CACNA2D3: variants seen among roughly 807,000 people sequenced by gnomAD.
CACNA2D3 encodes the protein calcium voltage-gated channel auxiliary subunit alpha2delta 3.
CACNA2D3 carries 60 observed loss-of-function variants against 160.6 expected under a neutral mutation model. The observed-to-expected ratio is 0.37, with a 90% CI of 0.30 to 0.46. The LOEUF is 0.46. Among genes scored for constraint, CACNA2D3 ranks in the 20% least tolerant of loss-of-function variants. CACNA2D3 has a pLI of 1.00. For synonymous variants in CACNA2D3, 558 were observed against 492.9 expected, an observed-to-expected ratio of 1.13 and a Z score of -1.75; for missense variants, 1,205 against 1,365.0, an observed-to-expected ratio of 0.88 and a Z score of 1.85.
chr3:55,024,175 T>G (rs1459398995), intron 35 of CACNA2D3, among the ~76,000 whole-genome samples: 4 of 147,084 alleles, frequency 2.7e-5, no homozygotes. Context: ...TCACTAATTA[T>G]TCACTCTTTG....
At chr3:54,420,702 C>T (rs1699824388) in intron 4 of CACNA2D3, among the ~76,000 whole-genome samples, 1 of 152,084 alleles carries the variant, frequency 6.6e-6, no homozygotes, top group Non-Finnish European at 1.5e-5. Flanking sequence ...TATTATTGCC[C>T]CTACTTCATA....
rs1220231460 is a variant in CACNA2D3, at chr3:54,189,853, T to C, written c.204+66259T>C. On this transcript the variant is annotated intron_variant, in intron 2 of 37. Coordinates refer to ENST00000474759, the MANE Select transcript of CACNA2D3 (RefSeq NM_018398.3). ...GTTTACAAAAGGAGTTGTTTTCTTATGTCATTAAAGTTAATGAGTACACAT... is the reference window on the plus strand; with the variant it reads ...GTTTACAAAAGGAGTTGTTTTCTTACGTCATTAAAGTTAATGAGTACACAT... Among the ~76,000 whole-genome samples the C allele has an allele frequency of 3.9e-5, 6 of 152,224 alleles. No homozygotes were observed. The East Asian group carries it at 1.2e-3, about 29-fold the overall frequency.
intron 11 of CACNA2D3, among the ~76,000 whole-genome samples, chr3:54,644,263 T>G (rs1482258450): frequency 6.6e-6 from 1 of 152,078 alleles, no homozygotes; most frequent in African/African-American, 2.4e-5. Flanking sequence ...AATTTCAACA[T>G]TACTTAAAGC....
intron 35 of CACNA2D3, among the ~76,000 whole-genome samples, chr3:55,043,370 G>A (rs547900994): frequency 1.5e-3 from 215 of 142,028 alleles, no homozygotes; most frequent in African/African-American, 4.9e-3. Context: ...GGGTACCATA[G>A]TGGCATCTCA....
At chr3:54,319,789 A>G (rs1044074656) in intron 2 of CACNA2D3, among the ~76,000 whole-genome samples, 2 of 152,132 alleles carry the variant, frequency 1.3e-5, no homozygotes, top group Non-Finnish European at 2.9e-5. Flanking sequence ...AACTCATTGC[A>G]TGTTAACATA....
intron 18 of CACNA2D3, among the ~76,000 whole-genome samples, chr3:54,876,022 T>A (rs376425501): frequency 4.6e-5 from 7 of 152,032 alleles, no homozygotes; most frequent in Admixed American, 4.6e-4. Context: ...TGCACATGGG[T>A]TTTTTAATGA....
chr3:54,515,182 G>GTA (rs1405598121), intron 5 of CACNA2D3, among the ~76,000 whole-genome samples: 2 of 138,496 alleles, frequency 1.4e-5, no homozygotes, highest in Non-Finnish European at 3.1e-5. Flanking sequence ...GTCTGTGTGT[G>GTA]TGTGTGTGTG....
intron 2 of CACNA2D3, among the ~76,000 whole-genome samples, chr3:54,205,037 A>G (rs1439576086): frequency 6.6e-6 from 1 of 152,220 alleles, no homozygotes; most frequent in Non-Finnish European, 1.5e-5. Flanking sequence ...AGTTAAGAAC[A>G]TTCCCCATAA....
chr3:54,349,340 C>A (rs985698627), intron 3 of CACNA2D3, among the ~76,000 whole-genome samples: 1 of 152,132 alleles, frequency 6.6e-6, no homozygotes. Flanking sequence ...TGGTTCTGAA[C>A]GTTGCGCTTT....
At chr3:54,864,193 G>T (rs1699352813) in intron 17 of CACNA2D3, among the ~76,000 whole-genome samples, 1 of 152,090 alleles carries the variant, frequency 6.6e-6, no homozygotes, top group Non-Finnish European at 1.5e-5. Context: ...ATGGATATTG[G>T]TGAAATTGAG....
chr3:54,417,948 A>G (rs756412339), intron 4 of CACNA2D3, among the ~76,000 whole-genome samples: 1 of 152,066 alleles, frequency 6.6e-6, no homozygotes, highest in African/African-American at 2.4e-5. Context: ...CACCACACCC[A>G]GGTAATTTTT....
chr3:54,260,231 C>G (rs1287940403), intron 2 of CACNA2D3, among the ~76,000 whole-genome samples: 2 of 152,132 alleles, frequency 1.3e-5, no homozygotes, highest in Non-Finnish European at 2.9e-5. Context: ...AATTGACTGC[C>G]TCAAATTCTT....
chr3:54,880,775 T>G (rs751259074), intron 20 of CACNA2D3, 21 bp from the exon 21 acceptor site: 108 of 1,607,924 alleles, frequency 6.7e-5, no homozygotes, highest in Non-Finnish European at 9.2e-5. Flanking sequence ...ATTTCAAGAT[T>G]TGCTTTGTCT....
intron 3 of CACNA2D3, among the ~76,000 whole-genome samples, chr3:54,359,975 A>T (rs1698714870): frequency 6.6e-6 from 1 of 152,198 alleles, no homozygotes; most frequent in Non-Finnish European, 1.5e-5. Context: ...ATGTATCAGG[A>T]TGCCATTATA....
intron 13 of CACNA2D3, among the ~76,000 whole-genome samples, chr3:54,785,086 C>T (rs777066238): frequency 8.5e-5 from 13 of 152,322 alleles, no homozygotes; most frequent in East Asian, 1.9e-4. Flanking sequence ...ACCATCCTTC[C>T]GCAGGACCAC....
intron 11 of CACNA2D3, among the ~76,000 whole-genome samples, chr3:54,743,415 C>A (rs1701691149): frequency 6.6e-6 from 1 of 152,056 alleles, no homozygotes; most frequent in Admixed American, 6.6e-5. Flanking sequence ...GTCTAGAAAG[C>A]CAGAAGGAGT....
chr3:54,687,960 T>A (rs924654628), intron 11 of CACNA2D3, among the ~76,000 whole-genome samples: 1 of 152,384 alleles, frequency 6.6e-6, no homozygotes, highest in South Asian at 2.1e-4. Context: ...TGTTTTGTTT[T>A]GTTTTTAAAC....
At chr3:54,928,703 C>T (rs1177269830) in intron 27 of CACNA2D3, among the ~76,000 whole-genome samples, 1 of 151,648 alleles carries the variant, frequency 6.6e-6, no homozygotes, top group Non-Finnish European at 1.5e-5. Flanking sequence ...TGCCCCCACA[C>T]CCCACCCACT....
At chr3:54,241,703 G>A (rs1439477887) in intron 2 of CACNA2D3, among the ~76,000 whole-genome samples, 2 of 152,206 alleles carry the variant, frequency 1.3e-5, no homozygotes, top group African/African-American at 4.8e-5. Flanking sequence ...AAGCTCCTGT[G>A]GCATAGGTTG....
Sources: allele counts gnomAD v4.1 joint callset (sites outside exome capture counted in the v4.1 genomes callset), GRCh38; gene constraint gnomAD v4.1.1; transcripts MANE v1.5; gene names NCBI Gene and HGNC (gene_info 2026-07-23, HGNC 2026-07-21).